The following FAM133B variants were observed in gnomAD, a reference collection of about 807,000 sequenced individuals.
FAM133B encodes the protein protein FAM133B.
Under a neutral mutation model 46.4 loss-of-function variants are expected in FAM133B, and 25 were observed. The observed-to-expected ratio is 0.54, with a 90% CI of 0.39 to 0.75. FAM133B has a LOEUF of 0.75. FAM133B is among the 30% of genes least tolerant of loss of function. The pLI is 0.00. For synonymous variants in FAM133B, 75 were observed against 86.0 expected, an observed-to-expected ratio of 0.87 and a Z score of 0.71; for missense variants, 205 against 277.6, an observed-to-expected ratio of 0.74 and a Z score of 1.86.
chr7:92,582,419 T>C (rs1292287840), intron 1 of FAM133B, among the ~76,000 whole-genome samples: 1 of 152,210 alleles, frequency 6.6e-6, no homozygotes, highest in Non-Finnish European at 1.5e-5. Flanking sequence ...CGAAATACTA[T>C]GTCATAGTGA....
At chr7:92,582,155 A>T (rs1459531840) in intron 1 of FAM133B, among the ~76,000 whole-genome samples, 1 of 152,170 alleles carries the variant, frequency 6.6e-6, no homozygotes, top group Non-Finnish European at 1.5e-5. Context: ...AGGTTGAGAC[A>T]GGAGAATCAC....
intron 3 of FAM133B, among the ~76,000 whole-genome samples, chr7:92,578,839 A>G (rs1794779206): frequency 6.6e-6 from 1 of 152,068 alleles, no homozygotes; most frequent in Non-Finnish European, 1.5e-5. Context: ...TGAGCTCAGA[A>G]GTTGGAGACC....
intron 3 of FAM133B, 156 bp downstream of exon 3, chr7:92,579,161 A>C: frequency 1.6e-6 from 1 of 615,548 alleles, no homozygotes; most frequent in African/African-American, 2.1e-5. Context: ...TTTTTAATGG[A>C]GACAAGGGCG....
At position 92,582,748 on chromosome 7, in the gene FAM133B, A is replaced by G. The variant is rs1467409614; in HGVS notation, c.25-1145T>C. On this transcript the variant is annotated intron_variant, in intron 1 of 10. Transcript: ENST00000445716. ...AACACATAAAAAAATGTTCAATATC[A>G]CTAGTCATTAGGGAAATGTAAATTG... 2.0e-5 allele frequency among the ~76,000 whole-genome samples: 3 copies of G among 152,188 alleles called. No homozygotes were observed. The East Asian group carries it at 5.8e-4, about 29-fold the overall frequency.
chr7:92,573,584 A>T (rs1794602706), intron 8 of FAM133B, among the ~76,000 whole-genome samples: 1 of 151,664 alleles, frequency 6.6e-6, no homozygotes, highest in Admixed American at 6.6e-5. Context: ...TGTATCTAAT[A>T]TTTTAAGTAC....
chr7:92,589,595 A>C (rs1795132245), intron 1 of FAM133B, among the ~76,000 whole-genome samples: 1 of 152,170 alleles, frequency 6.6e-6, no homozygotes, highest in Non-Finnish European at 1.5e-5. Context: ...AGGTCACCCA[A>C]CTTCCGACGG....
chr7:92,567,808 G>A (rs549997669), intron 9 of FAM133B, among the ~76,000 whole-genome samples: 1 of 152,092 alleles, frequency 6.6e-6, no homozygotes, highest in South Asian at 2.1e-4. Context: ...CTGTTGCCCA[G>A]GATGGAGTGC....
At chr7:92,585,134 C>T (rs1795004738) in intron 1 of FAM133B, among the ~76,000 whole-genome samples, 1 of 152,190 alleles carries the variant, frequency 6.6e-6, no homozygotes, top group Non-Finnish European at 1.5e-5. Flanking sequence ...GCCCAACCCT[C>T]AACCAATCCC....
rs536923975 is a variant in FAM133B, at chr7:92,572,123, G to A, written c.517-2208C>T. ...AGACACAAAAACAAAGTAAAGAGAC[G>A]CCATGGACCAGAAAATGTTGTTTCT... On this transcript the variant is annotated intron_variant, in intron 8 of 10. Transcript: ENST00000445716. 4.6e-5 allele frequency among the ~76,000 whole-genome samples: 7 copies of A among 152,188 alleles called. No individual in the cohort carries two copies. In the South Asian group the frequency reaches 8.3e-4, roughly 18 times the overall value.
intron 3 of FAM133B, 50 bp from the exon 4 acceptor site, chr7:92,578,443 C>T (rs772906788): frequency 4.0e-6 from 6 of 1,488,948 alleles, no homozygotes; most frequent in South Asian, 1.2e-5. Flanking sequence ...CTTTCCAATA[C>T]ACCTAATATA....
At chr7:92,578,422 G>A (rs1252508597) in intron 3 of FAM133B, 29 bp from the exon 4 acceptor site, 3 of 1,593,150 alleles carry the variant, frequency 1.9e-6, no homozygotes, top group Non-Finnish European at 8.6e-7. Flanking sequence ...CACCATCAGA[G>A]ACTATCTAAC....
At chr7:92,584,274 C>T (rs1162415285) in intron 1 of FAM133B, among the ~76,000 whole-genome samples, 1 of 151,936 alleles carries the variant, frequency 6.6e-6, no homozygotes, top group African/African-American at 2.4e-5. Context: ...AAAATGACTA[C>T]CCTCAAGGTT....
At chr7:92,571,064 G>C (rs543693699) in intron 8 of FAM133B, among the ~76,000 whole-genome samples, 1 of 152,128 alleles carries the variant, frequency 6.6e-6, no homozygotes, top group African/African-American at 2.4e-5. Context: ...TCCTTCTGGA[G>C]GAAAGAAATA....
chr7:92,584,512 T>C (rs936661614), intron 1 of FAM133B, among the ~76,000 whole-genome samples: 2 of 152,118 alleles, frequency 1.3e-5, no homozygotes, highest in Non-Finnish European at 1.5e-5. Flanking sequence ...TTACTTGGAA[T>C]GAAAAAGATA....
intron 1 of FAM133B, chr7:92,589,892 C>G (rs1795143633): frequency 8.2e-6 from 2 of 244,546 alleles, no homozygotes; most frequent in East Asian, 9.0e-5. Context: ...GCGGGTGAGT[C>G]GGATGCGTCC....
At chr7:92,566,145 C>T in intron 9 of FAM133B, 84 bp from the exon 10 acceptor site, 1 of 1,271,930 alleles carries the variant, frequency 7.9e-7, no homozygotes, top group Middle Eastern at 2.7e-4. Context: ...CTCTATCTTG[C>T]ATCTTCAAAA....
Position 92,571,599 on chromosome 7 carries a change from C to A in FAM133B, c.517-1684G>T, listed in dbSNP as rs558823591. Among the ~76,000 whole-genome samples the A allele has an allele frequency of 1.4e-4, 21 of 152,250 alleles. No individual in the cohort carries two copies. The South Asian group carries it at 2.5e-3, about 18-fold the overall frequency. ...ATTTTCATACATTGAAATCTCTGAG[C>A]TGTCTGGGATGTATTTGGCTTTATG... On this transcript the variant is annotated intron_variant, in intron 8 of 10. Transcript: ENST00000445716.
At chr7:92,587,876 G>A (rs952580951) in intron 1 of FAM133B, among the ~76,000 whole-genome samples, 1 of 152,138 alleles carries the variant, frequency 6.6e-6, no homozygotes, top group African/African-American at 2.4e-5. Flanking sequence ...CTCTGGTGAA[G>A]GATGTTCATA....
intron 8 of FAM133B, among the ~76,000 whole-genome samples, chr7:92,573,889 T>A (rs970125509): frequency 1.6e-4 from 25 of 152,126 alleles, no homozygotes; most frequent in African/African-American, 5.3e-4. Context: ...TATTTTTTTT[T>A]AAATTTAGAT....
Sources: gnomAD v4.1 joint callset for allele counts (sites outside exome capture counted in the v4.1 genomes callset) on GRCh38, gnomAD v4.1.1 for gene constraint, MANE v1.5 for transcripts, NCBI Gene and HGNC (gene_info 2026-07-23, HGNC 2026-07-21) for gene names.